NHSL1: variants seen among roughly 807,000 people sequenced by gnomAD.
NHSL1 encodes the protein NHS like 1.
A neutral mutation model predicts 95.0 loss-of-function variants in NHSL1; 48 were observed. The observed-to-expected ratio is 0.51, with a 90% CI of 0.40 to 0.64. The LOEUF is 0.64. NHSL1 is among the 30% of genes least tolerant of loss of function. NHSL1 has a pLI of 0.00. For missense variants in NHSL1, 1,971 were observed against 2,077.7 expected (o/e 0.95, Z 1.00); for synonymous variants, 783 against 833.9 (o/e 0.94, Z 1.05).
intron 1 of NHSL1, among the ~76,000 whole-genome samples, chr6:138,635,088 A>G (rs1273149468): frequency 6.6e-6 from 1 of 152,076 alleles, no homozygotes; most frequent in East Asian, 1.9e-4. Flanking sequence ...TAAAAAAAAA[A>G]AAACTTCAAA....
intron 1 of NHSL1, among the ~76,000 whole-genome samples, chr6:138,638,657 A>G (rs1388850103): frequency 6.6e-6 from 1 of 152,216 alleles, no homozygotes; most frequent in African/African-American, 2.4e-5. Flanking sequence ...TCGATTATTC[A>G]ACTGACCTGA....
chr6:138,629,389 C>T (rs9495166), intron 1 of NHSL1, among the ~76,000 whole-genome samples: 10,221 of 89,288 alleles, frequency 0.11, 967 homozygotes, highest in African/African-American at 0.3. Context: ...TTCTTTCTTT[C>T]TTTTTTTTTT....
intron 1 of NHSL1, among the ~76,000 whole-genome samples, chr6:138,566,232 T>C (rs1481645303): frequency 6.6e-6 from 1 of 152,012 alleles, no homozygotes; most frequent in Non-Finnish European, 1.5e-5. Context: ...ACCCCGTCTC[T>C]ACTAAAAATA....
intron 1 of NHSL1, among the ~76,000 whole-genome samples, chr6:138,646,214 C>T (rs1162400016): frequency 6.6e-6 from 1 of 152,168 alleles, no homozygotes; most frequent in Admixed American, 6.5e-5. Context: ...TTGTTACATA[C>T]CACATAAATC....
At chr6:138,664,718 C>A (rs982989822) in intron 1 of NHSL1, among the ~76,000 whole-genome samples, 1 of 152,238 alleles carries the variant, frequency 6.6e-6, no homozygotes, top group South Asian at 2.1e-4. Context: ...ATCTACTGAT[C>A]AGCCTAGAAA....
intron 1 of NHSL1, among the ~76,000 whole-genome samples, chr6:138,670,421 C>T (rs370349865): frequency 4.1e-4 from 62 of 150,434 alleles, no homozygotes; most frequent in Middle Eastern, 3.5e-3. Flanking sequence ...AATCCCAGCA[C>T]TTTGGGAGGC....
chr6:138,585,879 CAAAAAA>C (rs776882873), intron 1 of NHSL1, among the ~76,000 whole-genome samples: 1 of 112,930 alleles, frequency 8.9e-6, no homozygotes, highest in African/African-American at 3.2e-5. Flanking sequence ...CCAGTCTCTA[CAAAAAA>C]AAAAAAAACT....
intron 7 of NHSL1, among the ~76,000 whole-genome samples, chr6:138,428,338 G>A (rs1460594796): frequency 3.3e-5 from 5 of 152,290 alleles, no homozygotes; most frequent in Middle Eastern, 3.4e-3. Flanking sequence ...AATATTTATT[G>A]AGTGCTTCTT....
At chr6:138,524,330 C>T (rs1053523963) in intron 1 of NHSL1, among the ~76,000 whole-genome samples, 1 of 152,120 alleles carries the variant, frequency 6.6e-6, no homozygotes, top group African/African-American at 2.4e-5. Flanking sequence ...TAACCAGCAC[C>T]CAGATCAAGA....
At chr6:138,639,367 A>G (rs1784929651) in intron 1 of NHSL1, among the ~76,000 whole-genome samples, 1 of 152,098 alleles carries the variant, frequency 6.6e-6, no homozygotes, top group East Asian at 1.9e-4. Flanking sequence ...GGCTGGGCGC[A>G]ATGGCTCACG....
In NHSL1 at chr6:138,424,256, C is replaced by A. The variant is rs777283286; in HGVS notation, c.4646G>T (p.Gly1549Val). The A allele has an allele frequency of 3.3e-6, 5 of 1,501,690 alleles. No homozygotes were observed. In the East Asian group the frequency reaches 1.2e-4, roughly 37 times the overall value. The allele number at this position is 1,501,690 out of a possible 1,614,324, so 93.0% of individuals were successfully genotyped here. A position where few individuals can be genotyped will look rare whatever the true frequency, so the allele number is the denominator to read the frequency against. The change falls in exon 8 of 8, where the codon GGA (glycine) becomes GTA (valine). Residue 1549 changes from glycine to valine, a missense_variant. By Grantham distance (109) the Gly-to-Val change is moderately radical. This residue lies in a region of NHSL1 where 223 missense variants were observed against 217.0 expected (regional missense o/e 1.03). Coordinates refer to ENST00000343505, the MANE Select transcript of NHSL1 (RefSeq NM_001144060.2). The surrounding 1 kb of genome is among the most constrained non-coding windows in gnomAD (Gnocchi z 5.9). ...CCTCGCCAGTCCGTCCAGGGAACATCCCTCCGCAGCGCCCAGAGCCCCGCG... is the reference window on the plus strand; with the variant it reads ...CCTCGCCAGTCCGTCCAGGGAACATACCTCCGCAGCGCCCAGAGCCCCGCG... ...IARGALGAAE[G>V]CSLDGLAREE...
intron 1 of NHSL1, among the ~76,000 whole-genome samples, chr6:138,660,054 CCTTT>C (rs951603784): frequency 6.6e-6 from 1 of 152,138 alleles, no homozygotes; most frequent in African/African-American, 2.4e-5. Flanking sequence ...TGTATGATGT[CCTTT>C]CTTCAAATAA....
At chr6:138,499,922 TTAGAA>T (rs1308186766), upstream of NHSL1, among the ~76,000 whole-genome samples, 3 of 152,104 alleles carry the variant, frequency 2.0e-5, no homozygotes, top group Non-Finnish European at 4.4e-5. Flanking sequence ...CAGTAAAACT[TTAGAA>T]TAGAATCTCC....
chr6:138,613,889 C>T (rs1459009481), intron 1 of NHSL1, among the ~76,000 whole-genome samples: 1 of 152,162 alleles, frequency 6.6e-6, no homozygotes, highest in Non-Finnish European at 1.5e-5. Context: ...TGCAAATTTC[C>T]ATGATTCCTA....
intron 3 of NHSL1, among the ~76,000 whole-genome samples, chr6:138,471,242 G>A (rs79373256): frequency 0.01 from 1,587 of 152,198 alleles, 31 homozygotes; most frequent in African/African-American, 0.031. Context: ...AAAATCTTAG[G>A]ATGCTGTCAT....
rs1326065618 is a variant in NHSL1 at position 138,423,339 on chromosome 6, T to G, written c.*742A>C. The G allele has an allele frequency of 2.6e-5, 4 of 152,224 alleles. No homozygotes were observed. The highest frequency in any genetic ancestry group is 5.9e-5 in the Non-Finnish European group (4 of 68,048). The allele number at this position is 152,224 out of a possible 1,614,324, so 9.4% of individuals were successfully genotyped here. ...TTCATTAAAAAATTACCCACACTTCTAAAAATCAGGCTACAATTGTGTGTA... is the reference window on the plus strand; with the variant it reads ...TTCATTAAAAAATTACCCACACTTCGAAAAATCAGGCTACAATTGTGTGTA... On this transcript the variant is annotated 3_prime_UTR_variant, in exon 8 of 8. Transcript: ENST00000343505.
intron 1 of NHSL1, among the ~76,000 whole-genome samples, chr6:138,656,983 G>C (rs1785165544): frequency 6.6e-6 from 1 of 152,108 alleles, no homozygotes. Flanking sequence ...TTATTATCTA[G>C]ATCAGAGCTT....
chr6:138,538,647 T>C (rs1199690538), intron 1 of NHSL1, among the ~76,000 whole-genome samples: 2 of 152,124 alleles, frequency 1.3e-5, no homozygotes, highest in South Asian at 2.1e-4. Flanking sequence ...ACAATGAACC[T>C]TGCACAGTTC....
chr6:138,500,099 CA>C (rs150994673), upstream of NHSL1, among the ~76,000 whole-genome samples: 2,636 of 151,084 alleles, frequency 0.017, 85 homozygotes, highest in African/African-American at 0.061. Context: ...AAAAATCCAC[CA>C]AAAAAAATAC....
Sources: gnomAD v4.1 joint callset for allele counts (sites outside exome capture counted in the v4.1 genomes callset) on GRCh38, gnomAD v4.1.1 for gene constraint, gnomAD v4.1.1 regional missense constraint, Gnocchi (gnomAD v3.1) non-coding constraint, MANE v1.5 for transcripts, NCBI Gene and HGNC (gene_info 2026-07-23, HGNC 2026-07-21) for gene names.